ITGA2: variants seen among roughly 807,000 people sequenced by gnomAD.
The protein encoded by ITGA2 is integrin subunit alpha 2, also known as integrin alpha-2.
ITGA2 carries 101 observed loss-of-function variants against 146.3 expected under a neutral mutation model. That is an observed-to-expected ratio of 0.69 (90% CI 0.59 to 0.81). The LOEUF is 0.81. Among genes scored for constraint, ITGA2 ranks in the 40% least tolerant of loss-of-function variants. The pLI, the probability that ITGA2 is intolerant of heterozygous loss-of-function variation, is 0.00. For synonymous variants in ITGA2, 477 were observed against 487.1 expected (o/e 0.98, Z 0.27); for missense variants, 1,281 against 1,402.7 (o/e 0.91, Z 1.39).
chr5:53,012,777 T>C (rs1297847783), intron 1 of ITGA2, among the ~76,000 whole-genome samples: 4 of 152,198 alleles, frequency 2.6e-5, no homozygotes, highest in Admixed American at 2.6e-4. Flanking sequence ...TTTTTACTTT[T>C]TATTAATAGC....
intron 13 of ITGA2, among the ~76,000 whole-genome samples, chr5:53,064,464 T>A (rs1199567177): frequency 1.3e-5 from 2 of 151,998 alleles, no homozygotes; most frequent in African/African-American, 4.8e-5. Context: ...GGTTTAAAAT[T>A]CTATCCATTT....
chr5:53,001,122 G>A (rs893013617), intron 1 of ITGA2, among the ~76,000 whole-genome samples: 2 of 151,802 alleles, frequency 1.3e-5, no homozygotes, highest in African/African-American at 4.8e-5. Flanking sequence ...GGCTGGTCTC[G>A]AACTCCTGAT....
chr5:52,998,677 T>A (rs111304579), intron 1 of ITGA2, among the ~76,000 whole-genome samples: 15 of 152,306 alleles, frequency 9.8e-5, no homozygotes, highest in African/African-American at 3.4e-4. Context: ...TCCATAGCAA[T>A]GTTACATTCT....
intron 16 of ITGA2, among the ~76,000 whole-genome samples, chr5:53,069,493 A>G (rs1027358835): frequency 1.3e-5 from 2 of 151,864 alleles, no homozygotes; most frequent in African/African-American, 4.8e-5. Flanking sequence ...ATGTTCCCTT[A>G]GAGTATCTCA....
intron 1 of ITGA2, among the ~76,000 whole-genome samples, chr5:52,989,861 T>A (rs569915648): frequency 6.7e-6 from 1 of 149,612 alleles, no homozygotes; most frequent in East Asian, 2.0e-4. Context: ...CACTCAAGCA[T>A]GGACAGTGTG....
chr5:53,005,837 C>T (rs1377085091), intron 1 of ITGA2, among the ~76,000 whole-genome samples: 4 of 152,106 alleles, frequency 2.6e-5, no homozygotes, highest in East Asian at 1.9e-4. Context: ...GGAACTTGCT[C>T]AAGGTCACAG....
At position 53,090,688 on chromosome 5, in the gene ITGA2, T is replaced by A; in HGVS notation, c.*89T>A. On this transcript the variant is annotated 3_prime_UTR_variant, in exon 30 of 30. Transcript: ENST00000296585. ...ATGGATTTCTTTTTAAATCCCATAT[T>A]TTTTTTATCATGTCGTAGGTAAACT... is the stretch of plus-strand genomic sequence containing the variant. 1.3e-5 allele frequency: 14 copies of A among 1,064,792 alleles called. No homozygotes were observed. The highest frequency in any genetic ancestry group is 1.7e-5 in the Non-Finnish European group (12 of 690,636). The allele number at this position is 1,064,792 out of a possible 1,614,324, so 66.0% of individuals were successfully genotyped here. A position where few individuals can be genotyped will look rare whatever the true frequency, so the allele number is the denominator to read the frequency against.
chr5:53,057,772 T>C (rs1330756854), intron 9 of ITGA2, among the ~76,000 whole-genome samples: 1 of 152,006 alleles, frequency 6.6e-6, no homozygotes, highest in African/African-American at 2.4e-5. Flanking sequence ...AATACATTAA[T>C]GTTCAATTAA....
intron 28 of ITGA2, chr5:53,089,382 G>A (rs932545075): frequency 2.0e-5 from 3 of 153,282 alleles, no homozygotes; most frequent in African/African-American, 7.2e-5. Flanking sequence ...TTGCCAGGAA[G>A]CAGATACAAA....
chr5:53,045,919 G>T (rs944699259), intron 4 of ITGA2, among the ~76,000 whole-genome samples: 1 of 151,932 alleles, frequency 6.6e-6, no homozygotes, highest in Non-Finnish European at 1.5e-5. Context: ...GGTTGGGCGC[G>T]GTGGCTCATG....
intron 25 of ITGA2, among the ~76,000 whole-genome samples, chr5:53,080,980 C>T (rs1383844680): frequency 6.6e-6 from 1 of 152,148 alleles, no homozygotes; most frequent in African/African-American, 2.4e-5. Flanking sequence ...AGCAGCCAGC[C>T]TGGACTTTCG....
intron 4 of ITGA2, 31 bp downstream of exon 4, chr5:53,045,123 T>G: frequency 6.6e-7 from 1 of 1,519,350 alleles, no homozygotes; most frequent in Middle Eastern, 1.7e-4. Flanking sequence ...TCATTATTCC[T>G]CTCAAGAAAG....
intron 28 of ITGA2, among the ~76,000 whole-genome samples, chr5:53,087,625 A>T (rs1302595345): frequency 5.5e-5 from 3 of 54,878 alleles, no homozygotes; most frequent in South Asian, 5.6e-4. Flanking sequence ...TCCCCTTGAT[A>T]AAAAAAAAAA....
At chr5:53,032,592 CAAG>C (rs907953305) in intron 2 of ITGA2, among the ~76,000 whole-genome samples, 55 of 152,040 alleles carry the variant, frequency 3.6e-4, no homozygotes, top group African/African-American at 1.2e-3. Context: ...TGTAAGTATC[CAAG>C]AAGGAGAGTG....
intron 28 of ITGA2, chr5:53,089,422 C>G (rs545002316): frequency 6.4e-6 from 1 of 155,668 alleles, no homozygotes; most frequent in South Asian, 2.0e-4. Context: ...GGACAACGTT[C>G]CCACTGAAAA....
chr5:53,022,308 A>G (rs1742727479), intron 1 of ITGA2, among the ~76,000 whole-genome samples: 1 of 151,742 alleles, frequency 6.6e-6, no homozygotes, highest in African/African-American at 2.4e-5. Flanking sequence ...GGCTCAAATG[A>G]TCCTCCTGTC....
intron 2 of ITGA2, among the ~76,000 whole-genome samples, chr5:53,038,143 A>T (rs1743580610): frequency 6.6e-6 from 1 of 151,876 alleles, no homozygotes; most frequent in Non-Finnish European, 1.5e-5. Flanking sequence ...GAGAGAAAAA[A>T]ACCAAACAGT....
chr5:53,009,917 G>A (rs1035164495), intron 1 of ITGA2, among the ~76,000 whole-genome samples: 1 of 152,142 alleles, frequency 6.6e-6, no homozygotes, highest in Non-Finnish European at 1.5e-5. Flanking sequence ...CTCCAGAACT[G>A]TTAAGAAATA....
intron 2 of ITGA2, among the ~76,000 whole-genome samples, chr5:53,032,333 T>G (rs939856279): frequency 1.2e-4 from 19 of 152,154 alleles, no homozygotes; most frequent in African/African-American, 3.6e-4. Context: ...ATAACAGACA[T>G]CAAAGATTAT....
Sources: allele counts gnomAD v4.1 joint callset (sites outside exome capture counted in the v4.1 genomes callset), GRCh38; gene constraint gnomAD v4.1.1; transcripts MANE v1.5; gene names NCBI Gene and HGNC (gene_info 2026-07-23, HGNC 2026-07-21).